CHCHD3: variants seen among roughly 807,000 people sequenced by gnomAD.
CHCHD3 encodes the protein MICOS complex subunit MIC19.
A neutral mutation model predicts 38.2 loss-of-function variants in CHCHD3; 20 were observed. That is an observed-to-expected ratio of 0.52 (90% CI 0.37 to 0.76). The LOEUF (loss-of-function observed/expected upper bound fraction) is 0.76, where lower values mean the gene tolerates loss of function less well. Ranked by LOEUF, CHCHD3 falls within the 30% of genes least tolerant of loss-of-function variation. The pLI is 0.00. For missense variants in CHCHD3, 245 were observed against 279.2 expected, an observed-to-expected ratio of 0.88 and a Z score of 0.87; for synonymous variants, 82 against 100.0, an observed-to-expected ratio of 0.82 and a Z score of 1.07.
At chr7:132,957,829 C>A (rs1215694188) in intron 4 of CHCHD3, among the ~76,000 whole-genome samples, 2 of 152,120 alleles carry the variant, frequency 1.3e-5, no homozygotes, top group Admixed American at 6.6e-5. Flanking sequence ...GCCCAGTTGG[C>A]ACGTGGTACA....
At chr7:132,889,638 C>T (rs187526871) in intron 4 of CHCHD3, among the ~76,000 whole-genome samples, 1 of 152,252 alleles carries the variant, frequency 6.6e-6, no homozygotes, top group African/African-American at 2.4e-5. Context: ...CCCTGGATTG[C>T]AAACAGAATC....
intron 2 of CHCHD3, among the ~76,000 whole-genome samples, chr7:133,058,574 T>C (rs1467254122): frequency 2.0e-5 from 3 of 152,242 alleles, no homozygotes; most frequent in Non-Finnish European, 4.4e-5. Flanking sequence ...CTTTAATATT[T>C]TTGATTTAAA....
chr7:132,930,783 C>G (rs573671718), intron 4 of CHCHD3, among the ~76,000 whole-genome samples: 5 of 152,128 alleles, frequency 3.3e-5, no homozygotes, highest in African/African-American at 1.2e-4. Context: ...ATCGCTATAC[C>G]TTTTCGATCC....
chr7:132,896,170 C>G (rs975028766), intron 4 of CHCHD3, among the ~76,000 whole-genome samples: 1 of 152,050 alleles, frequency 6.6e-6, no homozygotes, highest in African/African-American at 2.4e-5. Context: ...GAAATCATTC[C>G]CCAGTGAGAA....
intron 5 of CHCHD3, among the ~76,000 whole-genome samples, chr7:132,874,512 AG>A (rs1808848179): frequency 6.6e-6 from 1 of 152,198 alleles, no homozygotes; most frequent in South Asian, 2.1e-4. Flanking sequence ...GAAGATTTGT[AG>A]AGATCCACAG....
At chr7:132,789,643 T>C (rs1806409249) in intron 7 of CHCHD3, among the ~76,000 whole-genome samples, 1 of 152,064 alleles carries the variant, frequency 6.6e-6, no homozygotes, top group Non-Finnish European at 1.5e-5. Context: ...CAGCTACTGG[T>C]TGTGTTGATA....
intron 6 of CHCHD3, among the ~76,000 whole-genome samples, chr7:132,827,730 C>A (rs1044704772): frequency 6.6e-6 from 1 of 152,198 alleles, no homozygotes; most frequent in Non-Finnish European, 1.5e-5. Flanking sequence ...CCACCACAGG[C>A]AAATGTTGCC....
intron 3 of CHCHD3, among the ~76,000 whole-genome samples, chr7:132,987,330 A>G (rs1322255083): frequency 1.3e-5 from 2 of 152,222 alleles, no homozygotes; most frequent in South Asian, 2.1e-4. Flanking sequence ...GAAAGTCATC[A>G]AGCCCAAAAC....
intron 4 of CHCHD3, among the ~76,000 whole-genome samples, chr7:132,887,385 T>C (rs1809243998): frequency 6.6e-6 from 1 of 151,636 alleles, no homozygotes; most frequent in East Asian, 1.9e-4. Flanking sequence ...CATGACTACA[T>C]AATCTAAAGA....
chr7:132,958,137 G>A (rs1811226786), intron 4 of CHCHD3, among the ~76,000 whole-genome samples: 2 of 152,172 alleles, frequency 1.3e-5, no homozygotes, highest in African/African-American at 4.8e-5. Context: ...TGTATGACGG[G>A]CATGAGGCTA....
chr7:132,912,951 A>G (rs1809993856), intron 4 of CHCHD3, among the ~76,000 whole-genome samples: 1 of 152,244 alleles, frequency 6.6e-6, no homozygotes, highest in Non-Finnish European at 1.5e-5. Context: ...TGTTTGTTAA[A>G]TAAAAACTGT....
intron 4 of CHCHD3, among the ~76,000 whole-genome samples, chr7:132,972,177 G>A (rs1811629905): frequency 1.3e-5 from 2 of 152,136 alleles, no homozygotes; most frequent in African/African-American, 4.8e-5. Context: ...TTTTCCAAGT[G>A]TTCTATAATA....
At chr7:132,832,739 C>A (rs1027459057) in intron 6 of CHCHD3, among the ~76,000 whole-genome samples, 1 of 152,168 alleles carries the variant, frequency 6.6e-6, no homozygotes, top group African/African-American at 2.4e-5. Context: ...ACTCTGGTAA[C>A]ATCTTCTTTC....
intron 4 of CHCHD3, among the ~76,000 whole-genome samples, chr7:132,970,172 T>C (rs1811577769): frequency 6.6e-6 from 1 of 152,084 alleles, no homozygotes; most frequent in Admixed American, 6.5e-5. Context: ...TCTAGTAGTG[T>C]CCCCCTATCC....
At chr7:132,975,386 A>G (rs1811736882) in intron 3 of CHCHD3, 100 bp from the exon 4 acceptor site, 2 of 969,728 alleles carry the variant, frequency 2.1e-6, no homozygotes, top group Non-Finnish European at 3.1e-6. Context: ...ACATAGCCAA[A>G]AAGGTCAACA....
rs186143067 is a variant in CHCHD3 at position 132,895,765 on chromosome 7, C to G, written c.370-10020G>C. ...CGCCATGATTGTGAGGTCTCCCCAG[C>G]TATGTGGAACTGTGAGTCCATTAAA... On this transcript the variant is annotated intron_variant, in intron 4 of 7. Transcript: ENST00000262570. Among the ~76,000 whole-genome samples, 4 of 152,342 alleles carry G rather than the reference C, an allele frequency of 2.6e-5. No individual in the cohort carries two copies. In the East Asian group the frequency reaches 7.7e-4, roughly 29 times the overall value.
At chr7:132,819,366 G>A (rs1807283970) in intron 6 of CHCHD3, among the ~76,000 whole-genome samples, 1 of 152,080 alleles carries the variant, frequency 6.6e-6, no homozygotes, top group South Asian at 2.1e-4. Flanking sequence ...AATCCAGAAT[G>A]TAGTTTAAAT....
At chr7:132,988,760 A>T (rs191306628) in intron 3 of CHCHD3, among the ~76,000 whole-genome samples, 2,543 of 151,132 alleles carry the variant, frequency 0.017, 67 homozygotes, top group South Asian at 0.12. Context: ...ACAAAAAAAA[A>T]TTTTTTTATC....
intron 3 of CHCHD3, among the ~76,000 whole-genome samples, chr7:133,019,355 A>G (rs1813119009): frequency 6.6e-6 from 1 of 152,192 alleles, no homozygotes; most frequent in Admixed American, 6.5e-5. Context: ...ATCATATATA[A>G]TGAACTTAAA....
Sources: gnomAD v4.1 joint callset for allele counts (sites outside exome capture counted in the v4.1 genomes callset) on GRCh38, gnomAD v4.1.1 for gene constraint, MANE v1.5 for transcripts, NCBI Gene and HGNC (gene_info 2026-07-23, HGNC 2026-07-21) for gene names.